Variants in RFX2 observed in about 807,000 individuals in gnomAD.
RFX2 encodes DNA-binding protein RFX2.
In RFX2, 20 loss-of-function variants were observed where a neutral mutation model predicts 87.8. That is an observed-to-expected ratio of 0.23 (90% CI 0.16 to 0.33). The LOEUF (loss-of-function observed/expected upper bound fraction) is 0.33. Among genes scored for constraint, RFX2 ranks in the 10% least tolerant of loss-of-function variants. The pLI is 1.00. For synonymous variants in RFX2, 397 were observed against 431.3 expected, an observed-to-expected ratio of 0.92 and a Z score of 0.98; for missense variants, 767 against 1,012.3, an observed-to-expected ratio of 0.76 and a Z score of 3.29.
intron 1 of RFX2, among the ~76,000 whole-genome samples, chr19:6,058,920 C>G (rs895027069): frequency 2.0e-5 from 3 of 152,096 alleles, no homozygotes; most frequent in Non-Finnish European, 4.4e-5. Flanking sequence ...GACAAGGCCT[C>G]CCCTAAGCCA....
intron 1 of RFX2, among the ~76,000 whole-genome samples, chr19:6,095,710 C>T (rs1018263813): frequency 1.6e-4 from 24 of 152,086 alleles, no homozygotes; most frequent in African/African-American, 5.6e-4. Context: ...AGAAAGTCTA[C>T]GAATGCGAGT....
intron 1 of RFX2, among the ~76,000 whole-genome samples, chr19:6,076,205 G>A (rs558217176): frequency 2.0e-5 from 3 of 152,272 alleles, no homozygotes; most frequent in South Asian, 2.1e-4. Context: ...TTAGCCATGC[G>A]TGGTGGTGCA....
At chr19:6,005,972 C>T (rs2086574294) in intron 12 of RFX2, among the ~76,000 whole-genome samples, 1 of 152,234 alleles carries the variant, frequency 6.6e-6, no homozygotes, top group African/African-American at 2.4e-5. Context: ...ACACAGGCTA[C>T]TCCCAGAGGC....
chr19:6,018,177 C>T (rs1395078983), intron 6 of RFX2, among the ~76,000 whole-genome samples: 1 of 152,150 alleles, frequency 6.6e-6, no homozygotes, highest in Non-Finnish European at 1.5e-5. Context: ...TGGGATTTTG[C>T]CATGTTGGCC....
In RFX2 at chr19:6,061,278, C is replaced by G. The variant is rs1315769649; in HGVS notation, c.-8-13774G>C. On this transcript the variant is annotated intron_variant, in intron 1 of 17. Transcript: ENST00000303657. This position sits in a 1 kb window ranked among gnomAD's most constrained non-coding sequence, Gnocchi z 5.2. ...AATTTTCTTTCACATTGGGGTGATT[C>G]AAAAGATAACAATGTCTTCTCATTC... Among the ~76,000 whole-genome samples, 1 of 152,210 alleles carries G rather than the reference C, an allele frequency of 6.6e-6. No individual in the cohort carries two copies. The highest frequency in any genetic ancestry group is 1.5e-5 in the Non-Finnish European group (1 of 68,032).
rs10402841 is a variant in RFX2, at chr19:6,047,952, G to A, written c.-8-448C>T. On this transcript the variant is annotated intron_variant, in intron 1 of 17. Coordinates refer to ENST00000303657, the MANE Select transcript of RFX2 (RefSeq NM_000635.4). The surrounding 1 kb of genome is among the most constrained non-coding windows in gnomAD (Gnocchi z 4.2). ...CTCTAAGGCTGGGTTTCCCCACTGTGGCACCGTTGACATTTGAGCTGGATA... is the reference window on the plus strand; with the variant it reads ...CTCTAAGGCTGGGTTTCCCCACTGTAGCACCGTTGACATTTGAGCTGGATA... Among the ~76,000 whole-genome samples the A allele has an allele frequency of 0.1, 15,723 of 152,250 alleles. 2,810 individuals carry two copies. The highest frequency in any genetic ancestry group is 0.36 in the African/African-American group (14,911 of 41,488).
chr19:6,049,029 C>G (rs2087235553), intron 1 of RFX2: 1 of 152,210 alleles, frequency 6.6e-6, no homozygotes, highest in Admixed American at 6.5e-5. Context: ...TTAACTAAAC[C>G]TTACACAGCC....
At position 5,994,697 on chromosome 19, in the gene RFX2, C is replaced by G. The variant is rs1443996120; in HGVS notation, c.*138G>C. The G allele has an allele frequency of 3.2e-6, 2 of 628,140 alleles. No homozygotes were observed. Among genetic ancestry groups the G allele is most frequent in the East Asian group, 2.8e-5 (1 of 36,258 alleles). 38.9% of individuals were successfully genotyped at this position (628,140 alleles called of 1,614,324 possible). A position where few individuals can be genotyped will look rare whatever the true frequency, so the allele number is the denominator to read the frequency against. The stretch of plus-strand genomic sequence containing the variant: ...ACTGCTTTCCTTCTTGAACACTGAC[C>G]CCGGGAGCCCCCGCTTGAGTCAAAG... On this transcript the variant is annotated 3_prime_UTR_variant, in exon 18 of 18. Transcript: ENST00000303657.
rs2086858880 is a variant in RFX2 at position 6,024,424 on chromosome 19, G to A, written c.597+1739C>T. Among the ~76,000 whole-genome samples the A allele has an allele frequency of 6.6e-6, 1 of 152,182 alleles. No individual in the cohort carries two copies. The highest frequency in any genetic ancestry group is 2.4e-5 in the African/African-American group (1 of 41,434). Reference sequence around the variant, plus strand: ...TGTCCTACCCAGCCTGGAGAGGGGCGGGGCACTGAGCAGGGGTCTGGCATG... The same window carrying A: ...TGTCCTACCCAGCCTGGAGAGGGGCAGGGCACTGAGCAGGGGTCTGGCATG... On this transcript the variant is annotated intron_variant, in intron 6 of 17. Coordinates refer to ENST00000303657, the MANE Select transcript of RFX2 (RefSeq NM_000635.4). This position sits in a 1 kb window ranked among gnomAD's most constrained non-coding sequence, Gnocchi z 5.0.
At chr19:6,005,636 C>G (rs981926767) in intron 12 of RFX2, among the ~76,000 whole-genome samples, 2 of 152,216 alleles carry the variant, frequency 1.3e-5, no homozygotes, top group African/African-American at 4.8e-5. Flanking sequence ...CCCCACCCCA[C>G]CAAGTCCTGT....
intron 1 of RFX2, among the ~76,000 whole-genome samples, chr19:6,106,925 C>G (rs2088225594): frequency 6.7e-6 from 1 of 150,264 alleles, no homozygotes; most frequent in Non-Finnish European, 1.5e-5. Context: ...ACTTTAGAAA[C>G]AAATATATAT....
chr19:6,079,756 C>T (rs905885374), intron 1 of RFX2, among the ~76,000 whole-genome samples: 5 of 151,814 alleles, frequency 3.3e-5, no homozygotes, highest in East Asian at 1.9e-4. Flanking sequence ...CATGGTGGCT[C>T]GTGCCTGTAG....
intron 1 of RFX2, among the ~76,000 whole-genome samples, chr19:6,060,679 C>T (rs570979163): frequency 7.2e-4 from 109 of 152,242 alleles, no homozygotes; most frequent in African/African-American, 2.6e-3. Flanking sequence ...CTCCTCTGAA[C>T]TTGTACTCTC....
In RFX2 at chr19:6,013,947, C is replaced by G. The variant is rs976635539; in HGVS notation, c.780-842G>C. Among the ~76,000 whole-genome samples, 1 of 152,130 alleles carries G rather than the reference C, an allele frequency of 6.6e-6. No homozygotes were observed. Among genetic ancestry groups the G allele is most frequent in the Non-Finnish European group, 1.5e-5 (1 of 68,040 alleles). On this transcript the variant is annotated intron_variant, in intron 7 of 17. Transcript: ENST00000303657. The surrounding 1 kb of genome is among the most constrained non-coding windows in gnomAD (Gnocchi z 4.1). ...CATGGCTTATCTCCATTATTATTAC[C>G]ATTATTATTAACAACTCTTCCCCAC...
At chr19:6,089,393 G>A (rs1387858896) in intron 1 of RFX2, among the ~76,000 whole-genome samples, 2 of 152,180 alleles carry the variant, frequency 1.3e-5, no homozygotes, top group Non-Finnish European at 2.9e-5. Context: ...ATGTCACAGG[G>A]AAGGGGGAGG....
intron 1 of RFX2, among the ~76,000 whole-genome samples, chr19:6,079,980 TAA>T (rs79133952): frequency 7.1e-6 from 1 of 139,878 alleles, no homozygotes; most frequent in African/African-American, 2.6e-5. Context: ...AAATATAAAT[TAA>T]AAAAAAAAAA....
intron 1 of RFX2, among the ~76,000 whole-genome samples, chr19:6,052,357 T>C (rs937512138): frequency 6.6e-6 from 1 of 152,212 alleles, no homozygotes; most frequent in Non-Finnish European, 1.5e-5. Flanking sequence ...GATATGTATG[T>C]ACCTAGTAAT....
At chr19:6,066,934 A>G (rs1473820917) in intron 1 of RFX2, among the ~76,000 whole-genome samples, 1 of 152,194 alleles carries the variant, frequency 6.6e-6, no homozygotes, top group Non-Finnish European at 1.5e-5. Flanking sequence ...CAGATCTAAA[A>G]AAAACCCTCT....
Position 6,020,656 on chromosome 19 carries a change from C to T in RFX2, c.598-4385G>A, listed in dbSNP as rs1326738864. ...GTGAAACCGACCACGAGGGTCCAGC[C>T]GCTCCAACCACACTCGCCCACCTCC... is the stretch of plus-strand genomic sequence containing the variant. On this transcript the variant is annotated intron_variant, in intron 6 of 17. Coordinates refer to ENST00000303657, the MANE Select transcript of RFX2 (RefSeq NM_000635.4). This position sits in a 1 kb window ranked among gnomAD's most constrained non-coding sequence, Gnocchi z 5.3. Among the ~76,000 whole-genome samples, 2 of 152,222 alleles carry T rather than the reference C, an allele frequency of 1.3e-5. No individual in the cohort carries two copies. Among genetic ancestry groups the T allele is most frequent in the Middle Eastern group, 3.2e-3 (1 of 316 alleles).
Sources: gnomAD v4.1 joint callset for allele counts (sites outside exome capture counted in the v4.1 genomes callset) on GRCh38, gnomAD v4.1.1 for gene constraint, Gnocchi (gnomAD v3.1) non-coding constraint, MANE v1.5 for transcripts, NCBI Gene and HGNC (gene_info 2026-07-23, HGNC 2026-07-21) for gene names.